The following ZBTB16 variants were observed in gnomAD, a reference collection of about 807,000 sequenced individuals.
ZBTB16 encodes zinc finger and BTB domain-containing protein 16.
A neutral mutation model predicts 56.8 loss-of-function variants in ZBTB16; 8 were observed. That is an observed-to-expected ratio of 0.14 (90% CI 0.08 to 0.25). The LOEUF (loss-of-function observed/expected upper bound fraction) is 0.25, where lower values mean the gene tolerates loss of function less well. ZBTB16 is among the 10% of genes least tolerant of loss of function. The probability of loss-of-function intolerance (pLI) is 1.00; values close to 1 mark genes in which losing one functional copy is unlikely to be tolerated. For synonymous variants in ZBTB16, 363 were observed against 368.5 expected (o/e 0.98, Z 0.17); for missense variants, 625 against 903.0 (o/e 0.69, Z 3.95).
chr11:114,218,591 A>G (rs1388267503), intron 4 of ZBTB16, among the ~76,000 whole-genome samples: 1 of 152,214 alleles, frequency 6.6e-6, no homozygotes, highest in Admixed American at 6.5e-5. Flanking sequence ...TTTGTGGTTG[A>G]GTTTGCCTTC....
At chr11:114,235,730 C>CTTTCT (rs556733788) in intron 4 of ZBTB16, among the ~76,000 whole-genome samples, 4 of 128,850 alleles carry the variant, frequency 3.1e-5, no homozygotes, top group Middle Eastern at 4.1e-3. Flanking sequence ...TTCTTTCTTT[C>CTTTCT]TTTCTTTTCT....
At chr11:114,186,468 G>A (rs1251185826) in intron 3 of ZBTB16, among the ~76,000 whole-genome samples, 1 of 152,140 alleles carries the variant, frequency 6.6e-6, no homozygotes, top group Admixed American at 6.5e-5. Context: ...TCAGATGCAG[G>A]TGGCAGTTGG....
intron 4 of ZBTB16, among the ~76,000 whole-genome samples, chr11:114,190,088 G>C (rs980141935): frequency 6.6e-6 from 1 of 152,182 alleles, no homozygotes; most frequent in African/African-American, 2.4e-5. Context: ...TTCTGTTCAT[G>C]TAAAATATCT....
chr11:114,094,987 A>G (rs990958852), intron 2 of ZBTB16, among the ~76,000 whole-genome samples: 2 of 152,230 alleles, frequency 1.3e-5, no homozygotes, highest in African/African-American at 4.8e-5. Flanking sequence ...GCCCCACACC[A>G]TAGAAGCTGG....
chr11:114,082,288 C>A (rs2852801), intron 2 of ZBTB16, among the ~76,000 whole-genome samples: 48,532 of 151,526 alleles, frequency 0.32, 8,945 homozygotes, highest in East Asian at 0.59. Context: ...TCTATTTCAA[C>A]ACAACAACAA....
rs201640868 is a variant in ZBTB16, at chr11:114,096,950, A to C, written c.1268+32382A>C. Among the ~76,000 whole-genome samples the C allele has an allele frequency of 4.6e-5, 7 of 151,690 alleles. No homozygotes were observed. The East Asian group carries it at 5.8e-4, about 13-fold the overall frequency. ...GTTATGTGTATACACACACACACAC[A>C]CCCCCTAAATAATTGAAAGCAGGAA... On this transcript the variant is annotated intron_variant, in intron 2 of 6. Coordinates refer to ENST00000335953, the MANE Select transcript of ZBTB16 (RefSeq NM_006006.6).
chr11:114,187,097 A>C, intron 4 of ZBTB16, 59 bp downstream of exon 4: 1 of 1,554,576 alleles, frequency 6.4e-7, no homozygotes, highest in South Asian at 1.1e-5. Flanking sequence ...GCACATGGAC[A>C]TGAACTGTCT....
In ZBTB16 at chr11:114,063,219, A is replaced by G. The variant is rs1486412119; in HGVS notation, c.-82A>G. ...CCTCTTCTTTCTCCTAGCCTCCTCT[A>G]TTGGCCCAGGAAGCCCACCCAGCCC... On this transcript the variant is annotated 5_prime_UTR_variant, in exon 2 of 7. Transcript: ENST00000335953. This position sits in a 1 kb window ranked among gnomAD's most constrained non-coding sequence, Gnocchi z 6.5. The G allele has an allele frequency of 6.0e-6, 9 of 1,503,966 alleles. No homozygotes were observed. Among genetic ancestry groups the G allele is most frequent in the Admixed American group, 3.7e-5 (2 of 54,548 alleles). The allele number at this position is 1,503,966 out of a possible 1,614,324, so 93.2% of individuals were successfully genotyped here.
intron 4 of ZBTB16, among the ~76,000 whole-genome samples, chr11:114,226,531 C>T (rs1944331156): frequency 6.6e-6 from 1 of 152,188 alleles, no homozygotes; most frequent in Non-Finnish European, 1.5e-5. Context: ...GAAACAAAAC[C>T]CACATGGGAG....
chr11:114,221,541 AC>A lies in ZBTB16; in HGVS notation c.1454-20625del, dbSNP rs569078272. Among the ~76,000 whole-genome samples the A allele has an allele frequency of 9.2e-5, 14 of 152,302 alleles. 1 individual carries two copies. In the South Asian group the frequency reaches 2.5e-3, roughly 27 times the overall value. ...TTAGAGAATGTTTCAGGGACTCCAC[AC>A]ACATTCATTCCCCTTCTCCACTCCA... On this transcript the variant is annotated intron_variant, in intron 4 of 6. Coordinates refer to ENST00000335953, the MANE Select transcript of ZBTB16 (RefSeq NM_006006.6).
chr11:114,212,449 A>G (rs1944016420), intron 4 of ZBTB16, among the ~76,000 whole-genome samples: 1 of 152,162 alleles, frequency 6.6e-6, no homozygotes, highest in Admixed American at 6.5e-5. Flanking sequence ...GGAAGAGGTC[A>G]TTCTTCTCCT....
At chr11:114,180,564 A>G (rs1221470732) in intron 3 of ZBTB16, among the ~76,000 whole-genome samples, 2 of 152,182 alleles carry the variant, frequency 1.3e-5, no homozygotes, top group East Asian at 1.9e-4. Context: ...TTTCCTCTCA[A>G]CTACCTGAGA....
intron 2 of ZBTB16, among the ~76,000 whole-genome samples, chr11:114,071,242 TGAC>T (rs1336467777): frequency 3.1e-5 from 3 of 97,352 alleles, no homozygotes; most frequent in Non-Finnish European, 6.2e-5. Context: ...CTGTGTGTTC[TGAC>T]TTTTTTTTTT....
intron 4 of ZBTB16, among the ~76,000 whole-genome samples, chr11:114,228,179 C>T (rs1944367563): frequency 6.6e-6 from 1 of 152,180 alleles, no homozygotes; most frequent in African/African-American, 2.4e-5. Flanking sequence ...ATACAAATAT[C>T]AAAATATTTT....
chr11:114,221,860 A>G (rs573264), intron 4 of ZBTB16, among the ~76,000 whole-genome samples: 98,020 of 152,032 alleles, frequency 0.64, 32,090 homozygotes, highest in Middle Eastern at 0.76. Flanking sequence ...TCAGGAAGAG[A>G]AAGGAAAGGG....
intron 2 of ZBTB16, among the ~76,000 whole-genome samples, chr11:114,112,384 T>C (rs1941034708): frequency 6.6e-6 from 1 of 152,154 alleles, no homozygotes; most frequent in South Asian, 2.1e-4. Flanking sequence ...ATCTAAATTT[T>C]GGAAAAGTAT....
intron 3 of ZBTB16, among the ~76,000 whole-genome samples, chr11:114,168,218 G>A (rs1005259543): frequency 2.6e-5 from 4 of 152,182 alleles, no homozygotes; most frequent in Non-Finnish European, 2.9e-5. Flanking sequence ...GCAGGCATGC[G>A]GATGGGCACA....
At chr11:114,151,246 T>C (rs678712) in intron 2 of ZBTB16, among the ~76,000 whole-genome samples, 12,625 of 152,154 alleles carry the variant, frequency 0.083, 651 homozygotes, top group Admixed American at 0.13. Flanking sequence ...ACCCAAAGCA[T>C]TGGGGTGACT....
At chr11:114,187,317 G>A in intron 4 of ZBTB16, 2 of 534,364 alleles carry the variant, frequency 3.7e-6, no homozygotes, top group Non-Finnish European at 6.8e-6. Flanking sequence ...TGTTCTTGGA[G>A]GTATCTAGTA....
Sources: gnomAD v4.1 joint callset for allele counts (sites outside exome capture counted in the v4.1 genomes callset) on GRCh38, gnomAD v4.1.1 for gene constraint, Gnocchi (gnomAD v3.1) non-coding constraint, MANE v1.5 for transcripts, NCBI Gene and HGNC (gene_info 2026-07-23, HGNC 2026-07-21) for gene names.